COL4A6: variants seen among roughly 807,000 people sequenced by gnomAD.
The protein encoded by COL4A6 is collagen alpha-6(IV) chain.
A neutral mutation model predicts 126.7 loss-of-function variants in COL4A6; 59 were observed. That is an observed-to-expected ratio of 0.47 (90% confidence interval 0.38 to 0.58). The LOEUF (loss-of-function observed/expected upper bound fraction) is 0.58. Ranked by LOEUF, COL4A6 falls within the 20% of genes least tolerant of loss-of-function variation. The pLI is 0.00. For missense variants in COL4A6, 1,285 were observed against 1,337.3 expected (o/e 0.96, Z 0.61); for synonymous variants, 547 against 496.6 (o/e 1.10, Z -1.35).
chrX:108,259,068 G>A (rs990178665), intron 3 of COL4A6, among the ~76,000 whole-genome samples: 3 of 111,453 alleles, frequency 2.7e-5, no homozygotes, highest in African/African-American at 9.8e-5. Flanking sequence ...TAAATTATTA[G>A]GTGGAGAACA....
intron 3 of COL4A6, among the ~76,000 whole-genome samples, chrX:108,278,980 A>C (rs1156642050): frequency 6.3e-5 from 7 of 111,623 alleles, no homozygotes; most frequent in African/African-American, 2.0e-4. Flanking sequence ...CCTACAAGAG[A>C]TCCTGAAGGA....
chrX:108,349,885 A>T (rs1238384859), intron 2 of COL4A6, among the ~76,000 whole-genome samples: 1 of 112,029 alleles, frequency 8.9e-6, no homozygotes, highest in Non-Finnish European at 1.9e-5. Flanking sequence ...TACACTATTT[A>T]TCTTGTCTGA....
At chrX:108,167,794 A>G (rs2034177884) in intron 37 of COL4A6, among the ~76,000 whole-genome samples, 1 of 112,112 alleles carries the variant, frequency 8.9e-6, no homozygotes, top group Middle Eastern at 4.6e-3. Context: ...AAGATATGAC[A>G]TAATATTTAT....
At chrX:108,439,447 G>A, upstream of COL4A6, 1 of 540,369 alleles carries the variant, frequency 1.9e-6, no homozygotes. Context: ...GCAGCTGGAA[G>A]GTAAAGAAGA....
At chrX:108,270,152 C>T (rs748901993) in intron 3 of COL4A6, among the ~76,000 whole-genome samples, 13 of 112,059 alleles carry the variant, frequency 1.2e-4, no homozygotes, top group Non-Finnish European at 1.9e-4. Context: ...TCTCAGGTTT[C>T]TCATCTGTAA....
At chrX:108,185,915 A>G (rs1462994883) in intron 23 of COL4A6, among the ~76,000 whole-genome samples, 1 of 112,346 alleles carries the variant, frequency 8.9e-6, no homozygotes. Flanking sequence ...TGACTACACA[A>G]AGAGGAAGAG....
In COL4A6 at chrX:108,160,580, C is replaced by G; in HGVS notation, c.4408G>C (p.Val1470Leu). The G allele has an allele frequency of 1.7e-6, 2 of 1,211,859 alleles. No individual in the cohort carries two copies. Among genetic ancestry groups the G allele is most frequent in the South Asian group, 1.8e-5 (1 of 56,968 alleles). Residue 1470 changes from valine to leucine, a missense_variant, in exon 43 of 45, where the codon GTA becomes CTA. By Grantham distance (32) the Val-to-Leu change is conservative (BLOSUM62 1). Coordinates refer to ENST00000334504, the MANE Select transcript of COL4A6 (RefSeq NM_033641.4). ...ACCTGTTCCGACTGGCTGTGCTTTA[C>G]CAACGTGTAGCCCACTCTCATGCTC... is the stretch of plus-strand genomic sequence containing the variant. Reference protein sequence around the residue: ...GQSMRVGYTLVKHSQSEQVPP... With the variant: ...GQSMRVGYTLLKHSQSEQVPP...
intron 38 of COL4A6, 52 bp downstream of exon 38, chrX:108,165,318 A>G: frequency 3.8e-6 from 4 of 1,042,576 alleles, no homozygotes. Flanking sequence ...GACTTCCCCA[A>G]ATGTCAGACA....
intron 2 of COL4A6, among the ~76,000 whole-genome samples, chrX:108,425,721 AACACACACACAAACACACAC>A (rs1438005832): frequency 1.0e-5 from 1 of 97,943 alleles, no homozygotes; most frequent in African/African-American, 4.5e-5. Flanking sequence ...GCGACAGCAC[AACACACACACAAACACACAC>A]ACACACACAC....
intron 2 of COL4A6, among the ~76,000 whole-genome samples, chrX:108,425,104 C>T (rs112330167): frequency 3.6e-5 from 4 of 110,237 alleles, no homozygotes; most frequent in Non-Finnish European, 7.6e-5. Context: ...GGGTTACATA[C>T]CAAACATTAA....
At chrX:108,378,271 T>C (rs2040487780) in intron 2 of COL4A6, among the ~76,000 whole-genome samples, 1 of 111,426 alleles carries the variant, frequency 9.0e-6, no homozygotes. Flanking sequence ...TTTAGGGAGC[T>C]TTTTGTTTGT....
At chrX:108,174,987 G>T in intron 30 of COL4A6, 103 bp downstream of exon 30, 1 of 1,010,504 alleles carries the variant, frequency 9.9e-7, no homozygotes. Context: ...TCTGAGGTTG[G>T]CGATGGGGGG....
At chrX:108,231,246 G>A (rs1280582834) in intron 3 of COL4A6, among the ~76,000 whole-genome samples, 2 of 111,890 alleles carry the variant, frequency 1.8e-5, no homozygotes, top group Admixed American at 9.5e-5. Context: ...TATAATCAGC[G>A]TTTGAAGCAG....
chrX:108,193,609 A>G lies in COL4A6; in HGVS notation c.1072+19T>C. ...ACTTCCTGTCTTTATTTTCCACTCA[A>G]ATTAATGAGAAGTTGCACCTGAGAT... On this transcript the variant is annotated intron_variant, in intron 17 of 44. Coordinates refer to ENST00000334504, the MANE Select transcript of COL4A6 (RefSeq NM_033641.4). The G allele has an allele frequency of 1.7e-6, 2 of 1,172,812 alleles. No individual in the cohort carries two copies. Among genetic ancestry groups the G allele is most frequent in the Non-Finnish European group, 2.3e-6 (2 of 862,972 alleles).
chrX:108,283,578 G>GT (rs765019598), intron 3 of COL4A6, among the ~76,000 whole-genome samples: 2 of 98,914 alleles, frequency 2.0e-5, no homozygotes, highest in African/African-American at 7.4e-5. Flanking sequence ...ATCCCCCTAA[G>GT]TTTTTTTTTT....
chrX:108,160,640 G>C lies in COL4A6; in HGVS notation c.4348C>G (p.Gln1450Glu), dbSNP rs145082503. The C allele has an allele frequency of 1.5e-5, 18 of 1,205,700 alleles. No homozygotes were observed. Among genetic ancestry groups the C allele is most frequent in the Admixed American group, 2.2e-5 (1 of 45,282 alleles). The change falls in exon 43 of 45, where the codon CAA becomes GAA. Residue 1450 changes from glutamine to glutamate, a missense_variant. By Grantham distance (29) the Gln-to-Glu change is conservative. Coordinates refer to ENST00000334504, the MANE Select transcript of COL4A6 (RefSeq NM_033641.4). ...PPGFEGAPGQ[Q>E]GPFGMPGMPG... ...ATTCCAGGCATCCCGAAGGGGCCTT[G>C]CTGCCCTGGAGCTCCTGAGAGAGAC...
intron 2 of COL4A6, among the ~76,000 whole-genome samples, chrX:108,391,068 C>T (rs760854460): frequency 1.8e-5 from 2 of 111,377 alleles, no homozygotes; most frequent in East Asian, 5.7e-4. Flanking sequence ...CCTCTGGAAG[C>T]TTCGTCACAG....
In COL4A6 at chrX:108,193,844, T is replaced by C. The variant is rs186956531; in HGVS notation, c.1003-147A>G. On this transcript the variant is annotated intron_variant, in intron 16 of 44. Coordinates refer to ENST00000334504, the MANE Select transcript of COL4A6 (RefSeq NM_033641.4). ...CAAGATCAACTAGTCCATAGGTTAA[T>C]TTCAAAGTCCCATAAATTTAAGATG... 3.4e-4 allele frequency: 155 copies of C among 451,252 alleles called. 2 individuals are homozygous for C. The East Asian group carries it at 5.9e-3, about 17-fold the overall frequency. The allele number at this position is 451,252 out of a possible 1,213,427, so 37.2% of individuals were successfully genotyped here.
intron 13 of COL4A6, among the ~76,000 whole-genome samples, chrX:108,197,761 T>C (rs898966867): frequency 1.2e-5 from 1 of 85,175 alleles, no homozygotes; most frequent in Non-Finnish European, 2.3e-5. Flanking sequence ...CATTGTCTTT[T>C]TATTGGGAGG....
Sources: gnomAD v4.1 joint callset for allele counts (sites outside exome capture counted in the v4.1 genomes callset) on GRCh38, gnomAD v4.1.1 for gene constraint, MANE v1.5 for transcripts, NCBI Gene and HGNC (gene_info 2026-07-23, HGNC 2026-07-21) for gene names.